The following PPP1R3A variants were observed in gnomAD, a reference collection of about 807,000 sequenced individuals.
The protein encoded by PPP1R3A is protein phosphatase 1 regulatory subunit 3A.
A neutral mutation model predicts 41.7 loss-of-function variants in PPP1R3A; 29 were observed. That is an observed-to-expected ratio of 0.70 (90% confidence interval 0.52 to 0.95). The LOEUF (loss-of-function observed/expected upper bound fraction) is 0.95. PPP1R3A is among the 40% of genes least tolerant of loss of function. The pLI, the probability that PPP1R3A is intolerant of heterozygous loss-of-function variation, is 0.00. For synonymous variants in PPP1R3A, 485 were observed against 453.4 expected, an observed-to-expected ratio of 1.07 and a Z score of -0.89; for missense variants, 1,352 against 1,292.4, an observed-to-expected ratio of 1.05 and a Z score of -0.71.
At chr7:113,897,258 C>T (rs1796992035) in intron 1 of PPP1R3A, among the ~76,000 whole-genome samples, 1 of 151,664 alleles carries the variant, frequency 6.6e-6, no homozygotes, top group Non-Finnish European at 1.5e-5. Flanking sequence ...ATAATTATAT[C>T]TCCATATAAA....
intron 1 of PPP1R3A, among the ~76,000 whole-genome samples, chr7:113,895,423 C>G (rs1342801324): frequency 6.6e-6 from 1 of 151,854 alleles, no homozygotes; most frequent in Admixed American, 6.6e-5. Context: ...AAAGTAGCCA[C>G]AACAATGAAG....
chr7:113,905,815 G>C (rs1178788486), intron 1 of PPP1R3A, among the ~76,000 whole-genome samples: 1 of 151,814 alleles, frequency 6.6e-6, no homozygotes, highest in Non-Finnish European at 1.5e-5. Flanking sequence ...ACTAATATGA[G>C]CAGTGGCCCT....
intron 1 of PPP1R3A, among the ~76,000 whole-genome samples, chr7:113,913,511 C>T (rs1797287636): frequency 1.3e-5 from 2 of 152,136 alleles, no homozygotes. Context: ...TCTCCTTTGG[C>T]ATTAAAGTCA....
At chr7:113,885,322 C>T (rs566879534) in intron 1 of PPP1R3A, among the ~76,000 whole-genome samples, 11 of 152,242 alleles carry the variant, frequency 7.2e-5, no homozygotes, top group African/African-American at 2.6e-4. Context: ...GCTAGGATTA[C>T]AGGCATGAGC....
chr7:113,903,695 T>G (rs148470199), intron 1 of PPP1R3A, among the ~76,000 whole-genome samples: 1 of 151,870 alleles, frequency 6.6e-6, no homozygotes, highest in East Asian at 2.0e-4. Flanking sequence ...CTCCAAACTC[T>G]TTCTGGATTA....
intron 1 of PPP1R3A, among the ~76,000 whole-genome samples, chr7:113,899,074 T>C (rs777842410): frequency 6.6e-6 from 1 of 151,810 alleles, no homozygotes; most frequent in Non-Finnish European, 1.5e-5. Flanking sequence ...TAAAGACCAG[T>C]ACTTTGCAAT....
intron 1 of PPP1R3A, among the ~76,000 whole-genome samples, chr7:113,900,328 A>G (rs779631242): frequency 1.1e-4 from 16 of 151,754 alleles, no homozygotes; most frequent in Non-Finnish European, 1.9e-4. Flanking sequence ...TGAAGAAGGT[A>G]GAACTGCAAT....
chr7:113,916,932 A>T (rs994728855), intron 1 of PPP1R3A, among the ~76,000 whole-genome samples: 1 of 152,064 alleles, frequency 6.6e-6, no homozygotes, highest in Admixed American at 6.6e-5. Context: ...CACAAAGTTG[A>T]TTAAGCCAAT....
intron 1 of PPP1R3A, among the ~76,000 whole-genome samples, chr7:113,911,634 T>C (rs779158567): frequency 1.3e-5 from 2 of 152,110 alleles, no homozygotes; most frequent in Non-Finnish European, 2.9e-5. Context: ...AAAGCTTTTT[T>C]TGTGTGTGAC....
At chr7:113,892,649 G>A (rs1232273577) in intron 1 of PPP1R3A, among the ~76,000 whole-genome samples, 1 of 152,012 alleles carries the variant, frequency 6.6e-6, no homozygotes, top group African/African-American at 2.4e-5. Context: ...GTGAAGAGAA[G>A]CGCCTGAGGA....
chr7:113,880,917 A>G (rs1027485881), intron 3 of PPP1R3A, among the ~76,000 whole-genome samples: 1 of 151,380 alleles, frequency 6.6e-6, no homozygotes, highest in Non-Finnish European at 1.5e-5. Context: ...CATTAACGTC[A>G]GCATGGAGCA....
At position 113,898,884 on chromosome 7, in the gene PPP1R3A, G is replaced by C. The variant is rs75537611; in HGVS notation, c.783-16564C>G. Among the ~76,000 whole-genome samples, 275 of 151,848 alleles carry C rather than the reference G, an allele frequency of 1.8e-3. 5 individuals are homozygous for C. The East Asian group carries it at 0.045, about 25-fold the overall frequency. ...GCTTATAAGTGTAAATCCTTTCTCT[G>C]TGTGTTAAGATGTATATGTATGTCC... On this transcript the variant is annotated intron_variant, in intron 1 of 3. Transcript: ENST00000284601.
chr7:113,918,906 C>T lies in PPP1R3A; in HGVS notation c.91G>A (p.Val31Ile), dbSNP rs745918239. Residue 31 changes from valine to isoleucine, a missense_variant, in exon 1 of 4, where the codon GTT becomes ATT. Transcript: ENST00000284601. The part of the protein sequence containing the change: ...LSDSLCEDEE[V>I]TFQPGFSPQP... ...GGGGAGAAACCAGGTTGGAAAGTAA[C>T]TTCTTCATCTTCACAAAGAGAGTCA... The T allele has an allele frequency of 6.2e-7, 1 of 1,612,970 alleles. No individual in the cohort carries two copies. Among genetic ancestry groups the T allele is most frequent in the East Asian group, 2.2e-5 (1 of 44,850 alleles).
At position 113,890,556 on chromosome 7, in the gene PPP1R3A, A is replaced by C. The variant is rs146818879; in HGVS notation, c.783-8236T>G. Among the ~76,000 whole-genome samples, 6 of 152,266 alleles carry C rather than the reference A, an allele frequency of 3.9e-5. No homozygotes were observed. In the East Asian group the frequency reaches 9.7e-4, roughly 25 times the overall value. On this transcript the variant is annotated intron_variant, in intron 1 of 3. Transcript: ENST00000284601. ...TACACGAAGTGCCTCTTTACATCTC[A>C]AACTTTTCCAGCAAGTTACACACAA...
intron 1 of PPP1R3A, among the ~76,000 whole-genome samples, chr7:113,915,831 G>T (rs1405288299): frequency 1.3e-5 from 2 of 151,702 alleles, no homozygotes; most frequent in Non-Finnish European, 2.9e-5. Context: ...AAATAACACC[G>T]ATAAGGTGTG....
Position 113,882,091 on chromosome 7 carries a change from T to C in PPP1R3A, c.914A>G (p.Lys305Arg), listed in dbSNP as rs1243137523. Residue 305 changes from lysine (K) to arginine (R), a missense_variant, in exon 3 of 4, where the codon AAA (lysine) becomes AGA (arginine). By Grantham distance (26) the Lys-to-Arg change is conservative. Transcript: ENST00000284601. ...EDLEASNRNV[K>R]DVNREHDEHN... is the part of the protein sequence containing the mutation. ...TTCATCATGTTCCCTGTTTACATCT[T>C]TTACATTTCGATTACTGGCTTCCAA... The C allele has an allele frequency of 6.2e-7, 1 of 1,612,460 alleles. No homozygotes were observed. The highest frequency in any genetic ancestry group is 8.5e-7 in the Non-Finnish European group (1 of 1,178,966).
intron 1 of PPP1R3A, among the ~76,000 whole-genome samples, chr7:113,899,809 G>A (rs947967205): frequency 9.9e-5 from 15 of 151,764 alleles, no homozygotes; most frequent in African/African-American, 2.7e-4. Context: ...ATTTTGAGAC[G>A]CACTGGTTTA....
At position 113,879,574 on chromosome 7, in the gene PPP1R3A, A is replaced by G. The variant is rs1284134576; in HGVS notation, c.1518T>C (p.Ser506=). The change falls in exon 4 of 4, where the codon TCT becomes TCC. Residue 506 remains serine, a synonymous_variant. Transcript: ENST00000284601. ...CLKESTEEGS[S]KEDYYGNGKD... ...TACCATTGCCATAATAATCTTCCTT[A>G]GAAGATCCTTCTTCTGTTGATTCTT... The G allele has an allele frequency of 6.2e-7, 1 of 1,612,392 alleles. No individual in the cohort carries two copies. The highest frequency in any genetic ancestry group is 2.2e-5 in the East Asian group (1 of 44,818).
rs147017377 is a variant in PPP1R3A at position 113,892,723 on chromosome 7, C to A, written c.783-10403G>T. On this transcript the variant is annotated intron_variant, in intron 1 of 3. Coordinates refer to ENST00000284601, the MANE Select transcript of PPP1R3A (RefSeq NM_002711.4). ...TGAAAAGATGCATTAGGTTCAGTTT[C>A]TTGATGATAATGCCAGAAATGAAAA... Among the ~76,000 whole-genome samples, 346 of 152,086 alleles carry A rather than the reference C, an allele frequency of 2.3e-3. 1 individual carries two copies. Among genetic ancestry groups the A allele is most frequent in the African/African-American group, 8.0e-3 (331 of 41,504 alleles).
Sources: gnomAD v4.1 joint callset for allele counts (sites outside exome capture counted in the v4.1 genomes callset) on GRCh38, gnomAD v4.1.1 for gene constraint, MANE v1.5 for transcripts, NCBI Gene and HGNC (gene_info 2026-07-23, HGNC 2026-07-21) for gene names.